MORC4: variants seen among roughly 807,000 people sequenced by gnomAD.
MORC4 encodes the protein MORC family CW-type zinc finger 4, also known as MORC family CW-type zinc finger protein 4.
In MORC4, 22 loss-of-function variants were observed where a neutral mutation model predicts 65.5. The observed-to-expected ratio is 0.34, with a 90% confidence interval of 0.24 to 0.48. MORC4 has a LOEUF of 0.48. Among genes scored for constraint, MORC4 ranks in the 20% least tolerant of loss-of-function variants. The probability of loss-of-function intolerance (pLI) is 0.99; values close to 1 mark genes in which losing one functional copy is unlikely to be tolerated. For synonymous variants in MORC4, 267 were observed against 255.8 expected, an observed-to-expected ratio of 1.04 and a Z score of -0.42; for missense variants, 624 against 703.0, an observed-to-expected ratio of 0.89 and a Z score of 1.27.
chrX:106,958,297 G>C (rs17253753), intron 11 of MORC4, 39 bp downstream of exon 11: 87,248 of 1,145,017 alleles, frequency 0.076, 2,804 homozygotes, highest in Non-Finnish European at 0.086. Flanking sequence ...GATAAATCAG[G>C]AGTTACCTTG....
Position 106,953,554 on chromosome X carries a change from G to C in MORC4, c.1685+1359C>G, listed in dbSNP as rs759280675. Among the ~76,000 whole-genome samples the C allele has an allele frequency of 3.6e-5, 4 of 111,914 alleles. No individual in the cohort carries two copies. The South Asian group carries it at 1.5e-3, about 42-fold the overall frequency. ...GCTGGATTCTATTTCTTATCCCGTT[G>C]CTACAAAATTCAATCTTAGAAATTG... On this transcript the variant is annotated intron_variant, in intron 14 of 16. Coordinates refer to ENST00000355610, the MANE Select transcript of MORC4 (RefSeq NM_024657.5).
At chrX:106,979,461 C>T (rs1435387937) in intron 7 of MORC4, among the ~76,000 whole-genome samples, 1 of 110,797 alleles carries the variant, frequency 9.0e-6, no homozygotes. Context: ...AGTGAGGGTA[C>T]AGTGGGGTAG....
At chrX:106,968,642 C>CAAAAAAA (rs1194053588) in intron 9 of MORC4, among the ~76,000 whole-genome samples, 5 of 17,962 alleles carry the variant, frequency 2.8e-4, no homozygotes, top group Admixed American at 8.9e-4. Flanking sequence ...AAATGGAAAG[C>CAAAAAAA]AAAAAAAAAA....
intron 14 of MORC4, among the ~76,000 whole-genome samples, chrX:106,951,437 G>A (rs185987675): frequency 4.6e-4 from 51 of 110,697 alleles, no homozygotes; most frequent in African/African-American, 1.3e-3. Flanking sequence ...GCACAGTTGC[G>A]CAATCACAGC....
chrX:106,984,465 C>CTTT (rs762110163), intron 5 of MORC4, among the ~76,000 whole-genome samples: 94 of 71,374 alleles, frequency 1.3e-3, no homozygotes, highest in African/African-American at 4.5e-3. Context: ...TTTCTTTTTT[C>CTTT]TTTTTTTTTT....
In MORC4 at chrX:106,961,137, T is replaced by TA. The variant is rs761120579; in HGVS notation, c.1256+874dup. Among the ~76,000 whole-genome samples the TA allele has an allele frequency of 8.1e-5, 9 of 111,012 alleles. No individual in the cohort carries two copies. The East Asian group carries it at 2.0e-3, about 24-fold the overall frequency. ...ATCCCAGCAATATTCACTAGGAATA[T>TA]AAAAAAAAGGGGAAGTTTACTAACA... is the stretch of plus-strand genomic sequence containing the variant. On this transcript the variant is annotated intron_variant, in intron 10 of 16. Coordinates refer to ENST00000355610, the MANE Select transcript of MORC4 (RefSeq NM_024657.5).
chrX:106,991,971 T>C (rs190359738), intron 3 of MORC4, among the ~76,000 whole-genome samples: 2 of 111,592 alleles, frequency 1.8e-5, no homozygotes, highest in Admixed American at 1.9e-4. Context: ...ATTGAACATA[T>C]AAATGCTTTG....
At chrX:106,983,715 T>C (rs1017101706) in intron 5 of MORC4, among the ~76,000 whole-genome samples, 1 of 108,564 alleles carries the variant, frequency 9.2e-6, no homozygotes, top group African/African-American at 3.3e-5. Flanking sequence ...TCTACTTCTT[T>C]TTTTTTTTTT....
chrX:106,984,465 C>CT (rs762110163), intron 5 of MORC4, among the ~76,000 whole-genome samples: 1,908 of 71,256 alleles, frequency 0.027, 135 homozygotes, highest in African/African-American at 0.076. Context: ...TTTCTTTTTT[C>CT]TTTTTTTTTT....
intron 14 of MORC4, among the ~76,000 whole-genome samples, chrX:106,945,837 T>C (rs1233671486): frequency 8.9e-6 from 1 of 111,946 alleles, no homozygotes; most frequent in Non-Finnish European, 1.9e-5. Flanking sequence ...TTAAGTATTT[T>C]ACATTTTCTG....
At chrX:106,964,262 T>C (rs1159573643) in intron 9 of MORC4, among the ~76,000 whole-genome samples, 1 of 111,651 alleles carries the variant, frequency 9.0e-6, no homozygotes, top group Non-Finnish European at 1.9e-5. Context: ...ACCGCAGGAA[T>C]TCAAAGGCAG....
intron 9 of MORC4, among the ~76,000 whole-genome samples, chrX:106,975,253 C>G (rs1294320724): frequency 8.9e-6 from 1 of 111,882 alleles, no homozygotes; most frequent in Non-Finnish European, 1.9e-5. Flanking sequence ...TCCTTTCACT[C>G]AATTGAAACA....
At chrX:106,981,086 A>T (rs1041984268) in intron 6 of MORC4, 67 bp from the exon 7 acceptor site, 1 of 1,136,166 alleles carries the variant, frequency 8.8e-7, no homozygotes, top group Non-Finnish European at 1.2e-6. Flanking sequence ...CATCCCCATA[A>T]AACACTGCTA....
chrX:106,977,029 G>A (rs891293177), intron 8 of MORC4, among the ~76,000 whole-genome samples: 32 of 111,145 alleles, frequency 2.9e-4, no homozygotes, highest in East Asian at 2.8e-4. Flanking sequence ...AAGAATTACC[G>A]TGCTAAAAAA....
chrX:106,981,684 C>G (rs1934745491), intron 5 of MORC4, among the ~76,000 whole-genome samples: 1 of 111,951 alleles, frequency 8.9e-6, no homozygotes, highest in African/African-American at 3.2e-5. Flanking sequence ...AACAAATCTA[C>G]TCTTTCATAG....
At chrX:106,947,558 CTA>C (rs1277165874) in intron 14 of MORC4, among the ~76,000 whole-genome samples, 5 of 64,882 alleles carry the variant, frequency 7.7e-5, no homozygotes, top group South Asian at 1.7e-3. Context: ...TGTAGTTAAT[CTA>C]TATATATATA....
chrX:106,945,629 C>G (rs1216947692), intron 14 of MORC4, among the ~76,000 whole-genome samples: 4 of 111,110 alleles, frequency 3.6e-5, no homozygotes, highest in African/African-American at 3.3e-5. Flanking sequence ...TGGTTCTATA[C>G]TTCTCCAGAA....
chrX:106,988,474 A>T (rs1472756477), intron 3 of MORC4, among the ~76,000 whole-genome samples: 4 of 111,377 alleles, frequency 3.6e-5, no homozygotes, highest in Non-Finnish European at 7.5e-5. Flanking sequence ...AGGAGCTATA[A>T]ACTCTGGATT....
chrX:106,993,086 T>C (rs1228536678), intron 3 of MORC4, 144 bp downstream of exon 3: 5 of 609,111 alleles, frequency 8.2e-6, no homozygotes, highest in Non-Finnish European at 1.3e-5. Flanking sequence ...ATTTGTTTCA[T>C]AACCAGTGCC....
Sources: allele counts gnomAD v4.1 joint callset (sites outside exome capture counted in the v4.1 genomes callset), GRCh38; gene constraint gnomAD v4.1.1; transcripts MANE v1.5; gene names NCBI Gene and HGNC (gene_info 2026-07-23, HGNC 2026-07-21).